IGF2BP3: variants seen among roughly 807,000 people sequenced by gnomAD.
The protein encoded by IGF2BP3 is insulin-like growth factor 2 mRNA-binding protein 3.
A neutral mutation model predicts 73.8 loss-of-function variants in IGF2BP3; 9 were observed. The ratio of observed to expected loss-of-function variants is 0.12; its 90% confidence interval spans 0.07 to 0.21. IGF2BP3 has a LOEUF of 0.21. Ranked by LOEUF, IGF2BP3 falls within the 10% of genes least tolerant of loss-of-function variation. The pLI is 1.00. For missense variants in IGF2BP3, 542 were observed against 714.0 expected (o/e 0.76, Z 2.75); for synonymous variants, 258 against 256.7 (o/e 1.01, Z -0.05).
intron 3 of IGF2BP3, among the ~76,000 whole-genome samples, chr7:23,386,261 G>T (rs560216299): frequency 1.3e-5 from 2 of 152,320 alleles, no homozygotes; most frequent in African/African-American, 2.4e-5. Context: ...CCCTTTGGGA[G>T]GCCAAGGCAG....
intron 2 of IGF2BP3, among the ~76,000 whole-genome samples, chr7:23,465,991 T>C (rs1044791276): frequency 5.3e-5 from 8 of 151,932 alleles, no homozygotes; most frequent in African/African-American, 1.9e-4. Context: ...TTAAAATAAC[T>C]GTAATATAGA....
At chr7:23,435,848 C>A (rs1166480454) in intron 2 of IGF2BP3, among the ~76,000 whole-genome samples, 3 of 152,160 alleles carry the variant, frequency 2.0e-5, no homozygotes, top group Non-Finnish European at 4.4e-5. Flanking sequence ...ACCTCCACTT[C>A]CCAGGTTCAA....
intron 3 of IGF2BP3, among the ~76,000 whole-genome samples, chr7:23,379,454 G>A (rs1325362578): frequency 6.6e-6 from 1 of 152,118 alleles, no homozygotes; most frequent in Non-Finnish European, 1.5e-5. Context: ...AAATATTTGG[G>A]TACCAATTTG....
At position 23,435,292 on chromosome 7, in the gene IGF2BP3, CAAAAAAAAAA is replaced by C. The variant is rs35846648; in HGVS notation, c.237-16478_237-16469del. Among the ~76,000 whole-genome samples the C allele has an allele frequency of 2.7e-4, 13 of 47,960 alleles. 1 individual carries two copies. In the South Asian group the frequency reaches 5.8e-3, roughly 21 times the overall value. 31.5% of individuals were successfully genotyped at this position (47,960 alleles called of 152,430 possible). On this transcript the variant is annotated intron_variant, in intron 2 of 14. Transcript: ENST00000258729. ...CAGGCGACAGAGCAAGACTCTGTCT[CAAAAAAAAAA>C]AAAAAAAAAAAAAAAAAAATCCTGA...
intron 8 of IGF2BP3, 76 bp from the exon 9 acceptor site, chr7:23,343,929 C>T (rs1463020284): frequency 7.0e-7 from 1 of 1,434,876 alleles, no homozygotes; most frequent in Non-Finnish European, 9.5e-7. Flanking sequence ...CCACAGACGG[C>T]AATTAAAAAC....
At chr7:23,426,320 C>CAA (rs1195063330) in intron 2 of IGF2BP3, among the ~76,000 whole-genome samples, 39 of 45,976 alleles carry the variant, frequency 8.5e-4, no homozygotes, top group East Asian at 3.4e-3. Context: ...AATTCTGTCT[C>CAA]AAAAAAAAAA....
At chr7:23,362,034 G>A (rs1016164708) in intron 3 of IGF2BP3, among the ~76,000 whole-genome samples, 1 of 152,190 alleles carries the variant, frequency 6.6e-6, no homozygotes, top group Non-Finnish European at 1.5e-5. Flanking sequence ...GAAGGAGAAA[G>A]AGCATATATT....
chr7:23,450,896 T>C (rs1031670239), intron 2 of IGF2BP3, among the ~76,000 whole-genome samples: 2 of 151,960 alleles, frequency 1.3e-5, no homozygotes, highest in Non-Finnish European at 2.9e-5. Flanking sequence ...AAAAAGGAAT[T>C]TTTTTTTAAC....
intron 5 of IGF2BP3, among the ~76,000 whole-genome samples, chr7:23,352,497 C>G (rs534986127): frequency 2.0e-5 from 3 of 152,166 alleles, no homozygotes; most frequent in Admixed American, 2.0e-4. Context: ...CCATGTTGGC[C>G]AGGCTGGTTT....
At chr7:23,380,135 G>A (rs1031904569) in intron 3 of IGF2BP3, among the ~76,000 whole-genome samples, 2 of 149,864 alleles carry the variant, frequency 1.3e-5, no homozygotes, top group East Asian at 1.9e-4. Flanking sequence ...GGTAAAAACC[G>A]TGGAGACTGC....
chr7:23,321,790 G>A (rs1054622127), intron 10 of IGF2BP3, among the ~76,000 whole-genome samples: 3 of 152,198 alleles, frequency 2.0e-5, no homozygotes, highest in Non-Finnish European at 2.9e-5. Context: ...GCCTAACTGG[G>A]AGGCACCCCC....
chr7:23,331,518 CAAAAACAAAAACA>C (rs1784443584), intron 10 of IGF2BP3, among the ~76,000 whole-genome samples: 1 of 151,692 alleles, frequency 6.6e-6, no homozygotes, highest in Admixed American at 6.6e-5. Context: ...GACTCTGTCT[CAAAAACAAAAACA>C]AAAAACAAAC....
At chr7:23,447,928 C>T (rs67128962) in intron 2 of IGF2BP3, among the ~76,000 whole-genome samples, 52,680 of 151,978 alleles carry the variant, frequency 0.35, 9,502 homozygotes, top group Middle Eastern at 0.41. Context: ...TGCAGTGAGC[C>T]ATGGTCACAG....
In IGF2BP3 at chr7:23,351,508, G is replaced by C; in HGVS notation, c.480C>G (p.Ala160=). ...KVAYIPDEMA[A]QQNPLQQPRG... is the part of the protein sequence containing the mutation. Reference sequence around the variant, plus strand: ...GGGGCTGCTGCAAGGGGTTTTGCTGGGCGGCCATTTCATCAGGGATATAGG... The same window carrying C: ...GGGGCTGCTGCAAGGGGTTTTGCTGCGCGGCCATTTCATCAGGGATATAGG... Residue 160 remains alanine, a synonymous_variant, in exon 6 of 15, where the codon GCC becomes GCG. Transcript: ENST00000258729. 6.2e-7 allele frequency: 1 copy of C among 1,614,026 alleles called. No individual in the cohort carries two copies. The highest frequency in any genetic ancestry group is 2.2e-5 in the East Asian group (1 of 44,878).
At chr7:23,438,514 G>T (rs930669906) in intron 2 of IGF2BP3, among the ~76,000 whole-genome samples, 1 of 147,436 alleles carries the variant, frequency 6.8e-6, no homozygotes, top group Non-Finnish European at 1.5e-5. Context: ...TAAGGTAAAT[G>T]AGACAAATAA....
intron 12 of IGF2BP3, among the ~76,000 whole-genome samples, chr7:23,314,465 G>T (rs868033816): frequency 2.0e-5 from 3 of 151,970 alleles, no homozygotes; most frequent in African/African-American, 7.3e-5. Flanking sequence ...AGAATTACAG[G>T]TGTGAGCCAC....
chr7:23,450,026 G>A (rs1313213336), intron 2 of IGF2BP3, among the ~76,000 whole-genome samples: 5 of 152,180 alleles, frequency 3.3e-5, no homozygotes, highest in Non-Finnish European at 7.3e-5. Context: ...TATTTGCACT[G>A]GTAGAGCAAA....
intron 2 of IGF2BP3, among the ~76,000 whole-genome samples, chr7:23,456,193 T>G (rs922553769): frequency 6.7e-6 from 1 of 150,032 alleles, no homozygotes; most frequent in African/African-American, 2.5e-5. Context: ...GAGCAAGAGC[T>G]TCTCCATTTT....
chr7:23,461,672 TATC>T (rs1270198643), intron 2 of IGF2BP3, among the ~76,000 whole-genome samples: 1 of 152,198 alleles, frequency 6.6e-6, no homozygotes, highest in African/African-American at 2.4e-5. Flanking sequence ...GCTAGTAACA[TATC>T]ATCTCCTGCC....
Sources: gnomAD v4.1 joint callset for allele counts (sites outside exome capture counted in the v4.1 genomes callset) on GRCh38, gnomAD v4.1.1 for gene constraint, MANE v1.5 for transcripts, NCBI Gene and HGNC (gene_info 2026-07-23, HGNC 2026-07-21) for gene names.